Variants in INTS1 observed in about 807,000 individuals in gnomAD.
INTS1 encodes the protein integrator complex subunit 1.
Under a neutral mutation model 241.6 loss-of-function variants are expected in INTS1, and 137 were observed. The observed-to-expected ratio is 0.57, with a 90% CI of 0.49 to 0.65. The LOEUF is 0.65. INTS1 is among the 30% of genes least tolerant of loss of function. The pLI, the probability that INTS1 is intolerant of heterozygous loss-of-function variation, is 0.00. For synonymous variants in INTS1, 1,692 were observed against 1,337.8 expected (o/e 1.26, Z -5.78); for missense variants, 3,073 against 3,032.2 (o/e 1.01, Z -0.32).
In INTS1 at chr7:1,470,548, G is replaced by T. The variant is rs1297506383; in HGVS notation, c.*29C>A. 1 of 1,494,592 alleles carries T rather than the reference G, an allele frequency of 6.7e-7. No homozygotes were observed. The highest frequency in any genetic ancestry group is 2.5e-5 in the East Asian group (1 of 40,632). The allele number at this position is 1,494,592 out of a possible 1,614,324, so 92.6% of individuals were successfully genotyped here. On this transcript the variant is annotated 3_prime_UTR_variant, in exon 48 of 48. Coordinates refer to ENST00000404767, the MANE Select transcript of INTS1 (RefSeq NM_001080453.3). ...GATCCCCGGGGACGGGACGGGCCGG[G>T]GCTTGGAGGGGGGTCGGCTGCCACA...
In INTS1 at chr7:1,481,469, C is replaced by A. The variant is rs761184520; in HGVS notation, c.3723G>T (p.Pro1241=). The part of the protein sequence containing the change: ...LVDAALQDLE[P]QQLLLFVQSF... The stretch of plus-strand genomic sequence containing the variant: ...ACTGCACGAACAGCAGCAGCTGCTG[C>A]GGCTCCAGGTCCTGCAGGGCTGAGG... Residue 1241 remains proline, a synonymous_variant, in exon 28 of 48, where the codon CCG becomes CCT. Transcript: ENST00000404767. This position sits in a 1 kb window ranked among gnomAD's most constrained non-coding sequence, Gnocchi z 6.8. 16 of 1,609,978 alleles carry A rather than the reference C, an allele frequency of 9.9e-6. No homozygotes were observed. The Admixed American group carries it at 2.0e-4, about 20-fold the overall frequency.
chr7:1,488,909 C>G (rs532449285), intron 18 of INTS1, among the ~76,000 whole-genome samples: 61 of 152,364 alleles, frequency 4.0e-4, no homozygotes, highest in African/African-American at 1.4e-3. Flanking sequence ...ACTGCTGATC[C>G]CACGCAGGGT....
rs891221312 is a variant in INTS1, at chr7:1,473,265, T to G, written c.5958-81A>C. 1.4e-5 allele frequency: 11 copies of G among 762,552 alleles called. No individual in the cohort carries two copies. The African/African-American group carries it at 2.0e-4, about 14-fold the overall frequency. 47.2% of individuals were successfully genotyped at this position (762,552 alleles called of 1,614,324 possible). ...GGTCAGGGGTCAAACTAGGGTGGCATGGGAGCGTGTGGACACAGGCATGCA... is the reference window on the plus strand; with the variant it reads ...GGTCAGGGGTCAAACTAGGGTGGCAGGGGAGCGTGTGGACACAGGCATGCA... On this transcript the variant is annotated intron_variant, in intron 42 of 47. Transcript: ENST00000404767.
Position 1,498,860 on chromosome 7 carries a change from G to A in INTS1, c.1138-8C>T. The A allele has an allele frequency of 6.3e-7, 1 of 1,595,848 alleles. No individual in the cohort carries two copies. The highest frequency in any genetic ancestry group is 8.5e-7 in the Non-Finnish European group (1 of 1,172,162). ...CTGGGCCGGCCGGGTCAGCTGCGGG[G>A]CCGAGGAGGGAGCAGTGGGCTCACG... On this transcript the variant is annotated splice_region_variant and splice_polypyrimidine_tract_variant and intron_variant, in intron 8 of 47. Coordinates refer to ENST00000404767, the MANE Select transcript of INTS1 (RefSeq NM_001080453.3).
chr7:1,493,321 G>A lies in INTS1; in HGVS notation c.2069-215C>T, dbSNP rs1782675823. 6.6e-6 allele frequency among the ~76,000 whole-genome samples: 1 copy of A among 152,116 alleles called. No individual in the cohort carries two copies. The highest frequency in any genetic ancestry group is 2.1e-4 in the South Asian group (1 of 4,820). ...GGGACACCTGGGCTGGGTCTAGAGAGCAGGCAGGGCTGCCAAGAGAGGGTA... is the reference window on the plus strand; with the variant it reads ...GGGACACCTGGGCTGGGTCTAGAGAACAGGCAGGGCTGCCAAGAGAGGGTA... On this transcript the variant is annotated intron_variant, in intron 15 of 47. Transcript: ENST00000404767. This position sits in a 1 kb window ranked among gnomAD's most constrained non-coding sequence, Gnocchi z 5.3.
intron 2 of INTS1, 120 bp downstream of exon 2, chr7:1,503,783 G>A (rs1389831249): frequency 4.1e-6 from 3 of 727,058 alleles, no homozygotes; most frequent in South Asian, 3.5e-5. Flanking sequence ...CGAATTCCTG[G>A]AAACAGCCGC....
intron 3 of INTS1, chr7:1,501,304 A>T (rs1323719386): frequency 6.6e-6 from 1 of 151,840 alleles, no homozygotes; most frequent in African/African-American, 2.4e-5. Context: ...TAAATAAATA[A>T]ATAAATAATA....
chr7:1,482,779 G>A (rs1782058486), intron 26 of INTS1, 72 bp from the exon 27 acceptor site: 4 of 1,538,898 alleles, frequency 2.6e-6, no homozygotes, highest in East Asian at 2.3e-5. Context: ...CTGGTGCCAA[G>A]GCTAGAGGCA....
At chr7:1,502,356 C>A (rs1783226298) in intron 3 of INTS1, among the ~76,000 whole-genome samples, 1 of 152,088 alleles carries the variant, frequency 6.6e-6, no homozygotes, top group Non-Finnish European at 1.5e-5. Flanking sequence ...CGATTCTAGG[C>A]ACACAGTTAA....
intron 8 of INTS1, 23 bp downstream of exon 8, chr7:1,498,952 A>AGGGGG: frequency 2.1e-6 from 2 of 974,100 alleles, no homozygotes; most frequent in Non-Finnish European, 2.8e-6. Context: ...TGCCCCGCCC[A>AGGGGG]CCCCCCCGGG....
At chr7:1,478,945 C>T (rs1781865713) in intron 31 of INTS1, 60 bp from the exon 32 acceptor site, 8 of 1,532,238 alleles carry the variant, frequency 5.2e-6, no homozygotes, top group East Asian at 2.4e-5. Flanking sequence ...ACCCGGCACC[C>T]GAGGCCCAGA....
chr7:1,485,592 C>G, intron 22 of INTS1, 123 bp from the exon 23 acceptor site: 1 of 971,200 alleles, frequency 1.0e-6, no homozygotes, highest in Non-Finnish European at 1.5e-6. Flanking sequence ...TTGCTTCCCA[C>G]GGGAGAGGCC....
chr7:1,475,816 GGGC>G, intron 39 of INTS1, 129 bp downstream of exon 39: 2 of 1,160,248 alleles, frequency 1.7e-6, no homozygotes, highest in South Asian at 3.1e-5. Context: ...CAGGGCCACA[GGGC>G]GGCGCGGACT....
rs1402439579 is a variant in INTS1, at chr7:1,483,871, G to T, written c.3430-18C>A. Reference sequence around the variant, plus strand: ...GACTCCGACTGTGGGAAAAGAGGTGGAGTCAGGCCGTAAGGTTCAGGGACC... The same window carrying T: ...GACTCCGACTGTGGGAAAAGAGGTGTAGTCAGGCCGTAAGGTTCAGGGACC... On this transcript the variant is annotated intron_variant, in intron 25 of 47. Transcript: ENST00000404767. The T allele has an allele frequency of 6.2e-7, 1 of 1,603,786 alleles. No homozygotes were observed. Among genetic ancestry groups the T allele is most frequent in the African/African-American group, 1.3e-5 (1 of 74,868 alleles).
At chr7:1,471,712 C>A in intron 44 of INTS1, 71 bp from the exon 45 acceptor site, 1 of 1,471,024 alleles carries the variant, frequency 6.8e-7, no homozygotes, top group Non-Finnish European at 9.5e-7. Context: ...ACCCCAGCCA[C>A]CCAGAGGGGG....
At chr7:1,477,055 TG>T (rs1781759231) in intron 35 of INTS1, 137 bp from the exon 36 acceptor site, 1 of 1,139,024 alleles carries the variant, frequency 8.8e-7, no homozygotes, top group Non-Finnish European at 1.2e-6. Context: ...GGCCCCGTCA[TG>T]GTGCTGGAGG....
Position 1,481,345 on chromosome 7 carries a change from T to C in INTS1, c.3847A>G (p.Lys1283Glu). Residue 1283 changes from lysine to glutamate, a missense_variant, in exon 28 of 48, where the codon AAG (lysine) becomes GAG (glutamate). Transcript: ENST00000404767. The surrounding 1 kb of genome is among the most constrained non-coding windows in gnomAD (Gnocchi z 6.8). ...CCGCAGGTCCCTGGCATCTTACTCT[T>C]GTCCATGATGTTCTGCTCCAGAGTC... ...PQTLEQNIMDKNYMAHLVEVQ... is the reference protein window; with the variant it reads ...PQTLEQNIMDENYMAHLVEVQ... 6.2e-7 allele frequency: 1 copy of C among 1,612,854 alleles called. No individual in the cohort carries two copies. Among genetic ancestry groups the C allele is most frequent in the Non-Finnish European group, 8.5e-7 (1 of 1,179,710 alleles).
At chr7:1,486,439 A>G (rs1040373586) in intron 22 of INTS1, among the ~76,000 whole-genome samples, 186 bp downstream of exon 22, 1 of 150,266 alleles carries the variant, frequency 6.7e-6, no homozygotes, top group Non-Finnish European at 1.5e-5. Context: ...AATTTTTTCT[A>G]TTTTTAATAG....
intron 39 of INTS1, among the ~76,000 whole-genome samples, chr7:1,475,263 T>C (rs1214566982): frequency 6.6e-6 from 1 of 151,994 alleles, no homozygotes; most frequent in Non-Finnish European, 1.5e-5. Flanking sequence ...CACGTGCCTG[T>C]GATCCCAGCT....
Sources: gnomAD v4.1 joint callset for allele counts (sites outside exome capture counted in the v4.1 genomes callset) on GRCh38, gnomAD v4.1.1 for gene constraint, Gnocchi (gnomAD v3.1) non-coding constraint, MANE v1.5 for transcripts, NCBI Gene and HGNC (gene_info 2026-07-23, HGNC 2026-07-21) for gene names.